The following GPHN variants were observed in gnomAD, a reference collection of about 807,000 sequenced individuals.
GPHN encodes gephyrin.
Under a neutral mutation model 95.5 loss-of-function variants are expected in GPHN, and 17 were observed. The ratio of observed to expected loss-of-function variants is 0.18; its 90% confidence interval spans 0.12 to 0.27. The LOEUF (loss-of-function observed/expected upper bound fraction) is 0.27. Among genes scored for constraint, GPHN ranks in the 10% least tolerant of loss-of-function variants. The pLI, the probability that GPHN is intolerant of heterozygous loss-of-function variation, is 1.00. For missense variants in GPHN, 660 were observed against 978.1 expected (o/e 0.67, Z 4.34); for synonymous variants, 320 against 322.5 (o/e 0.99, Z 0.08).
In GPHN at chr14:66,888,151, G is replaced by A. The variant is rs561877422; in HGVS notation, c.389+8118G>A. On this transcript the variant is annotated intron_variant, in intron 5 of 22. Transcript: ENST00000478722. ...AAAACGTAGAACATCTACATAATGC[G>A]AATACCCAAAAGAGAAGAACGAGAA... Among the ~76,000 whole-genome samples the A allele has an allele frequency of 3.2e-4, 49 of 152,102 alleles. 1 individual carries two copies. Among genetic ancestry groups the A allele is most frequent in the South Asian group, 6.2e-4 (3 of 4,826 alleles).
intron 10 of GPHN, among the ~76,000 whole-genome samples, chr14:67,054,317 A>G (rs1482535626): frequency 6.6e-6 from 1 of 152,232 alleles, no homozygotes; most frequent in East Asian, 1.9e-4. Flanking sequence ...GTAGACAAGC[A>G]GGAAGCCAAA....
chr14:67,443,404 TA>T, the GPHN span, among the ~76,000 whole-genome samples: 3 of 152,072 alleles, frequency 2.0e-5, no homozygotes, highest in South Asian at 2.1e-4. Context: ...ACAACCTTTT[TA>T]ATCACCTGCA....
At chr14:67,545,181 C>T in the GPHN span, among the ~76,000 whole-genome samples, 1 of 152,208 alleles carries the variant, frequency 6.6e-6, no homozygotes, top group Admixed American at 6.5e-5. Flanking sequence ...CACATTCCAG[C>T]CCCTTCCCTT....
Position 66,672,853 on chromosome 14 carries a change from T to C in GPHN, c.65-8254T>C, listed in dbSNP as rs1156734350. ...GTATAATTGGACCTTATTTTTTTAA[T>C]CTACCCTGACAATCTCTGTTTTTTA... On this transcript the variant is annotated intron_variant, in intron 1 of 22. Transcript: ENST00000478722. 2.6e-5 allele frequency among the ~76,000 whole-genome samples: 4 copies of C among 152,248 alleles called. No individual in the cohort carries two copies. The South Asian group carries it at 8.3e-4, about 32-fold the overall frequency.
intron 1 of GPHN, among the ~76,000 whole-genome samples, chr14:66,653,152 C>G (rs1045253554): frequency 3.3e-5 from 5 of 152,122 alleles, no homozygotes; most frequent in African/African-American, 1.2e-4. Context: ...CCTCCCTCTT[C>G]TACCTCAGTG....
At chr14:66,982,308 T>A (rs563930221) in intron 9 of GPHN, among the ~76,000 whole-genome samples, 74 of 152,180 alleles carry the variant, frequency 4.9e-4, no homozygotes, top group Non-Finnish European at 9.7e-4. Flanking sequence ...TAGTTTAGGA[T>A]CCAGGCAATT....
the GPHN span, among the ~76,000 whole-genome samples, chr14:67,240,787 G>A: frequency 6.6e-6 from 1 of 152,228 alleles, no homozygotes; most frequent in South Asian, 2.1e-4. Flanking sequence ...AGACTTCTGG[G>A]AAATAGTTCT....
chr14:67,478,682 A>C, the GPHN span, among the ~76,000 whole-genome samples: 32 of 151,966 alleles, frequency 2.1e-4, no homozygotes, highest in Admixed American at 1.3e-4. Flanking sequence ...CCAGATCTCT[A>C]CCTTGCTGTT....
chr14:67,301,924 A>G, the GPHN span: 3 of 1,556,202 alleles, frequency 1.9e-6, no homozygotes, highest in Non-Finnish European at 2.6e-6. Flanking sequence ...CACTCTGCAG[A>G]AATAAATCAT....
At chr14:67,205,323 G>A in the GPHN span, among the ~76,000 whole-genome samples, 1 of 152,066 alleles carries the variant, frequency 6.6e-6, no homozygotes, top group Non-Finnish European at 1.5e-5. Flanking sequence ...CCCAGCATCA[G>A]AAATGGAAAG....
intron 4 of GPHN, among the ~76,000 whole-genome samples, chr14:66,868,855 C>T (rs561164167): frequency 4.0e-5 from 6 of 151,872 alleles, no homozygotes; most frequent in South Asian, 2.1e-4. Flanking sequence ...GTCTTTGAAG[C>T]GTCTTTCTGA....
At chr14:66,982,141 G>T (rs2070723618) in intron 9 of GPHN, among the ~76,000 whole-genome samples, 1 of 152,010 alleles carries the variant, frequency 6.6e-6, no homozygotes, top group Non-Finnish European at 1.5e-5. Context: ...TGAAATATAT[G>T]TTTGGTTTAA....
the GPHN span, among the ~76,000 whole-genome samples, chr14:67,323,227 A>T: frequency 1.0e-5 from 1 of 98,266 alleles, no homozygotes; most frequent in Non-Finnish European, 1.9e-5. Flanking sequence ...ATACACATAT[A>T]TACACGTGTG....
At chr14:67,073,331 T>C (rs2153658628) in intron 11 of GPHN, among the ~76,000 whole-genome samples, 1 of 152,268 alleles carries the variant, frequency 6.6e-6, no homozygotes, top group Non-Finnish European at 1.5e-5. Context: ...TACCCATTTA[T>C]CAGTGATATC....
chr14:67,127,501 A>G (rs2153695274), intron 17 of GPHN, among the ~76,000 whole-genome samples: 1 of 152,342 alleles, frequency 6.6e-6, no homozygotes, highest in Admixed American at 6.5e-5. Context: ...ACCAGGAAGT[A>G]TTGATTGTGT....
At chr14:67,370,179 C>G in the GPHN span, among the ~76,000 whole-genome samples, 3 of 152,214 alleles carry the variant, frequency 2.0e-5, no homozygotes, top group Non-Finnish European at 4.4e-5. Context: ...CCTGGGCGGG[C>G]CAGGTGTTCC....
chr14:67,685,463 C>T, the GPHN span, among the ~76,000 whole-genome samples: 27 of 152,280 alleles, frequency 1.8e-4, no homozygotes, highest in Admixed American at 1.4e-3. Context: ...AAGACTCATC[C>T]TCTCAGCAGC....
the GPHN span, among the ~76,000 whole-genome samples, chr14:67,537,542 G>A: frequency 6.6e-6 from 1 of 152,026 alleles, no homozygotes; most frequent in Non-Finnish European, 1.5e-5. Flanking sequence ...GTGCACGCCT[G>A]TAGTCCCAGC....
chr14:67,248,347 T>C, the GPHN span, among the ~76,000 whole-genome samples: 56 of 152,026 alleles, frequency 3.7e-4, no homozygotes, highest in Non-Finnish European at 1.6e-4. Context: ...TAACAAGATC[T>C]CTTTTCTTAA....
Sources: allele counts gnomAD v4.1 joint callset (sites outside exome capture counted in the v4.1 genomes callset), GRCh38; gene constraint gnomAD v4.1.1; transcripts MANE v1.5; gene names NCBI Gene and HGNC (gene_info 2026-07-23, HGNC 2026-07-21).